RFFL: variants seen among roughly 807,000 people sequenced by gnomAD.
RFFL encodes ring finger and FYVE like domain containing E3 ubiquitin protein ligase.
RFFL carries 16 observed loss-of-function variants against 40.4 expected under a neutral mutation model. That is an observed-to-expected ratio of 0.40 (90% CI 0.27 to 0.60). The LOEUF (loss-of-function observed/expected upper bound fraction) is 0.60, where lower values mean the gene tolerates loss of function less well. Ranked by LOEUF, RFFL falls within the 20% of genes least tolerant of loss-of-function variation. The pLI, the probability that RFFL is intolerant of heterozygous loss-of-function variation, is 0.47. For synonymous variants in RFFL, 154 were observed against 167.9 expected (o/e 0.92, Z 0.64); for missense variants, 367 against 451.7 (o/e 0.81, Z 1.70).
At chr17:35,037,238 C>T (rs2091129107) in intron 1 of RFFL, among the ~76,000 whole-genome samples, 1 of 152,154 alleles carries the variant, frequency 6.6e-6, no homozygotes, top group African/African-American at 2.4e-5. Context: ...GAATCATGTC[C>T]AGTTTATTGA....
In RFFL at chr17:35,033,459, T is replaced by C. The variant is rs906821991; in HGVS notation, c.-8-6898A>G. ...AAGAGAATCACTTGAACCTGGGAGG[T>C]GGAAGTTGCAGTGAGCCAAGATCAC... On this transcript the variant is annotated intron_variant, in intron 1 of 6. Transcript: ENST00000394597. 4.6e-5 allele frequency among the ~76,000 whole-genome samples: 7 copies of C among 151,290 alleles called. No individual in the cohort carries two copies. In the South Asian group the frequency reaches 8.4e-4, roughly 18 times the overall value.
rs1179048153 is a variant in RFFL, at chr17:35,021,352, AC to A, written c.591+18del. On this transcript the variant is annotated intron_variant, in intron 3 of 6. Transcript: ENST00000394597. ...CTCAAACTGGCACAGACTGGCAGAGACTACAAATGGGCCCTTACCTGCTGAT... is the reference window on the plus strand; with the variant it reads ...CTCAAACTGGCACAGACTGGCAGAGATACAAATGGGCCCTTACCTGCTGAT... 2 of 1,515,700 alleles carry A rather than the reference AC, an allele frequency of 1.3e-6. No individual in the cohort carries two copies. The highest frequency in any genetic ancestry group is 2.7e-5 in the South Asian group (2 of 74,698). 93.9% of individuals were successfully genotyped at this position (1,515,700 alleles called of 1,614,324 possible). A position where few individuals can be genotyped will look rare whatever the true frequency, so the allele number is the denominator to read the frequency against.
At chr17:35,057,544 G>A (rs911335711) in intron 1 of RFFL, among the ~76,000 whole-genome samples, 4 of 151,012 alleles carry the variant, frequency 2.6e-5, no homozygotes, top group African/African-American at 9.8e-5. Flanking sequence ...ATTTGTGAAA[G>A]GAACAGATTT....
At chr17:35,062,062 C>T (rs1213116691) in intron 1 of RFFL, among the ~76,000 whole-genome samples, 1 of 151,974 alleles carries the variant, frequency 6.6e-6, no homozygotes, top group Non-Finnish European at 1.5e-5. Flanking sequence ...TCAAACAGTA[C>T]TCCAACAAAA....
chr17:35,052,270 A>G (rs1458012746), intron 1 of RFFL, among the ~76,000 whole-genome samples: 2 of 152,204 alleles, frequency 1.3e-5, no homozygotes, highest in East Asian at 3.8e-4. Context: ...TGAAACATGC[A>G]TTGGAAAATT....
At chr17:35,048,926 A>G (rs2091216017) in intron 1 of RFFL, among the ~76,000 whole-genome samples, 1 of 152,088 alleles carries the variant, frequency 6.6e-6, no homozygotes, top group African/African-American at 2.4e-5. Context: ...TGCCAGGAGG[A>G]TGTGATCTAC....
intron 3 of RFFL, among the ~76,000 whole-genome samples, chr17:35,020,703 C>G (rs962493727): frequency 2.0e-5 from 3 of 152,072 alleles, no homozygotes; most frequent in African/African-American, 7.2e-5. Flanking sequence ...ACCTGTCTAC[C>G]TTCCCTCTTC....
chr17:35,028,617 A>G (rs926369629), intron 1 of RFFL, among the ~76,000 whole-genome samples: 1 of 152,082 alleles, frequency 6.6e-6, no homozygotes, highest in South Asian at 2.1e-4. Context: ...TGAAACATTT[A>G]GTGTTATTAT....
intron 1 of RFFL, among the ~76,000 whole-genome samples, chr17:35,031,638 A>G (rs2091083649): frequency 6.6e-6 from 1 of 151,990 alleles, no homozygotes; most frequent in Non-Finnish European, 1.5e-5. Context: ...CACAGAGGGA[A>G]ATGATCAGCT....
At chr17:35,038,384 T>A (rs147919612) in intron 1 of RFFL, among the ~76,000 whole-genome samples, 10 of 152,120 alleles carry the variant, frequency 6.6e-5, no homozygotes, top group Non-Finnish European at 1.3e-4. Context: ...TGTGTGTGTG[T>A]GCGCGCGCGT....
In RFFL at chr17:35,012,004, C is replaced by T. The variant is rs1449572903; in HGVS notation, c.1056G>A (p.Gln352=). 3 of 1,614,200 alleles carry T rather than the reference C, an allele frequency of 1.9e-6. No homozygotes were observed. The highest frequency in any genetic ancestry group is 2.2e-5 in the East Asian group (1 of 44,892). The part of the protein sequence containing the change: ...KRMNECPICR[Q]YVIRAVHVFR... ...AGACATGCACAGCTCGGATTACATA[C>T]TGCCGGCAGATGGGACATTCATTCA... Residue 352 remains glutamine (Q), a synonymous_variant, in exon 7 of 7, where the codon CAG becomes CAA. Transcript: ENST00000394597.
upstream of RFFL, among the ~76,000 whole-genome samples, chr17:35,066,109 G>A (rs1474607843): frequency 6.6e-6 from 1 of 152,082 alleles, no homozygotes. Flanking sequence ...GGCGACAGAA[G>A]GAGACTCCAT....
chr17:35,035,518 G>A (rs2091115489), intron 1 of RFFL, among the ~76,000 whole-genome samples: 1 of 151,822 alleles, frequency 6.6e-6, no homozygotes. Context: ...GTTATTACAG[G>A]AAAGATCAGG....
At position 35,083,876 on chromosome 17, in the gene RFFL, C is replaced by CA. The variant is rs1248474312; in HGVS notation, c.-9+5228dup. Among the ~76,000 whole-genome samples, 5 of 152,090 alleles carry CA rather than the reference C, an allele frequency of 3.3e-5. No individual in the cohort carries two copies. In the South Asian group the frequency reaches 1.0e-3, roughly 32 times the overall value. ...GATGTACAGGAGATAATGCCCCCCC[C>CA]ACCCTGAAAAAGAGTATCAATGCAA... On this transcript the variant is annotated intron_variant, in intron 1 of 6. Coordinates refer to the RFFL transcript ENST00000315249.
intron 2 of RFFL, among the ~76,000 whole-genome samples, chr17:35,024,027 CA>C (rs1167969134): frequency 2.2e-4 from 34 of 152,298 alleles, no homozygotes; most frequent in Admixed American, 5.2e-4. Context: ...CCGAATGGTT[CA>C]AAACAACTCA....
At chr17:35,078,249 T>TA (rs933457237) in intron 1 of RFFL, among the ~76,000 whole-genome samples, 17 of 151,292 alleles carry the variant, frequency 1.1e-4, no homozygotes, top group South Asian at 4.2e-4. Context: ...ACTTCAGGAA[T>TA]AAAAAAAAAG....
upstream of RFFL, among the ~76,000 whole-genome samples, chr17:35,066,114 CT>C (rs2091320352): frequency 1.3e-5 from 2 of 152,140 alleles, no homozygotes; most frequent in African/African-American, 4.8e-5. Context: ...CAGAAGGAGA[CT>C]CCATCTCAAA....
intron 1 of RFFL, among the ~76,000 whole-genome samples, chr17:35,038,089 A>T (rs2091135860): frequency 6.6e-6 from 1 of 152,136 alleles, no homozygotes; most frequent in African/African-American, 2.4e-5. Flanking sequence ...GAAGTTCGAG[A>T]CCAGCCTGGA....
chr17:35,017,459 G>T, intron 4 of RFFL, 64 bp downstream of exon 4: 1 of 1,015,636 alleles, frequency 9.8e-7, no homozygotes, highest in East Asian at 2.5e-5. Context: ...ACTCTGCTAA[G>T]AGGTTCCGAA....
Sources: allele counts gnomAD v4.1 joint callset (sites outside exome capture counted in the v4.1 genomes callset), GRCh38; gene constraint gnomAD v4.1.1; transcripts MANE v1.5; gene names NCBI Gene and HGNC (gene_info 2026-07-23, HGNC 2026-07-21).